The following HNF4G variants were observed in gnomAD, a reference collection of about 807,000 sequenced individuals.
HNF4G encodes hepatocyte nuclear factor 4 gamma, also known as hepatocyte nuclear factor 4-gamma.
HNF4G carries 21 observed loss-of-function variants against 50.9 expected under a neutral mutation model. The observed-to-expected ratio is 0.41, with a 90% CI of 0.29 to 0.59. The LOEUF (loss-of-function observed/expected upper bound fraction) is 0.59, where lower values mean the gene tolerates loss of function less well. Among genes scored for constraint, HNF4G ranks in the 20% least tolerant of loss-of-function variants. HNF4G has a pLI of 0.26. For synonymous variants in HNF4G, 198 were observed against 185.6 expected, an observed-to-expected ratio of 1.07 and a Z score of -0.54; for missense variants, 527 against 559.4, an observed-to-expected ratio of 0.94 and a Z score of 0.58.
intron 2 of HNF4G, among the ~76,000 whole-genome samples, chr8:75,500,256 A>C (rs899972484): frequency 1.3e-5 from 2 of 152,176 alleles, no homozygotes; most frequent in Non-Finnish European, 2.9e-5. Context: ...AACGAACAAT[A>C]AGCACATGAA....
At chr8:75,482,247 G>GA (rs1222051275) in intron 1 of HNF4G, among the ~76,000 whole-genome samples, 3 of 152,044 alleles carry the variant, frequency 2.0e-5, no homozygotes, top group Non-Finnish European at 4.4e-5. Context: ...TAGTTGCCTA[G>GA]AAAAAATTAA....
chr8:75,496,569 C>T (rs1225796734), intron 2 of HNF4G, among the ~76,000 whole-genome samples: 3 of 151,908 alleles, frequency 2.0e-5, no homozygotes, highest in Admixed American at 1.3e-4. Flanking sequence ...GGGATTTACT[C>T]CAAAATCTTG....
chr8:75,556,003 G>A lies in HNF4G; in HGVS notation c.667G>A (p.Ala223Thr), dbSNP rs758363180. Residue 223 changes from alanine (A) to threonine (T), a missense_variant, in exon 6 of 10, where the codon GCA becomes ACA. Physicochemically the swap from Ala to Thr is moderately conservative, Grantham distance 58 (BLOSUM62 0). Around this residue, in one of 5 missense-constraint regions of HNF4G, gnomAD observed 308 missense variants for 301.5 expected, o/e 1.02. Transcript: ENST00000396423. ...TAAGGTGGCACTGTTGAGAGCTCAC[G>A]CAGGGGAGCACTTACTGCTTGGAGC... ...DDQVALLRAH[A>T]GEHLLLGATK... The A allele has an allele frequency of 6.3e-7, 1 of 1,577,160 alleles. No individual in the cohort carries two copies. Among genetic ancestry groups the A allele is most frequent in the Non-Finnish European group, 8.6e-7 (1 of 1,159,846 alleles).
intron 1 of HNF4G, among the ~76,000 whole-genome samples, chr8:75,458,364 T>C (rs864936): frequency 7.1e-6 from 1 of 140,442 alleles, no homozygotes. Flanking sequence ...TGTTTAATGG[T>C]CTAACTTTTT....
At chr8:75,561,163 A>G (rs71529224) in intron 9 of HNF4G, among the ~76,000 whole-genome samples, 11,817 of 152,126 alleles carry the variant, frequency 0.078, 478 homozygotes, top group Middle Eastern at 0.12. Context: ...TGTTTCTGAG[A>G]ATTCATTTAA....
intron 8 of HNF4G, among the ~76,000 whole-genome samples, chr8:75,559,535 G>T (rs1807244359): frequency 6.6e-6 from 1 of 151,950 alleles, no homozygotes; most frequent in Non-Finnish European, 1.5e-5. Flanking sequence ...GCCTCCCAAA[G>T]TGCTGGGAAT....
At chr8:75,558,428 A>G (rs1196330480) in intron 6 of HNF4G, 90 bp from the exon 7 acceptor site, 3 of 1,204,458 alleles carry the variant, frequency 2.5e-6, no homozygotes, top group African/African-American at 3.0e-5. Flanking sequence ...ACTATTTTAA[A>G]CACCGGTTTG....
chr8:75,444,944 A>T (rs1452647173), intron 1 of HNF4G, among the ~76,000 whole-genome samples: 29 of 144,462 alleles, frequency 2.0e-4, no homozygotes, highest in Non-Finnish European at 4.2e-4. Flanking sequence ...AGACATCTAC[A>T]GAACTCTGCA....
rs148866103 is a variant in HNF4G, at chr8:75,503,417, A to G, written c.-24+13209A>G. 4.7e-3 allele frequency among the ~76,000 whole-genome samples: 711 copies of G among 152,326 alleles called. 3 individuals carry two copies. The highest frequency in any genetic ancestry group is 0.016 in the African/African-American group (678 of 41,572). On this transcript the variant is annotated intron_variant, in intron 2 of 10. Transcript: ENST00000354370. ...TATTATTTTTATTACTAATAGTAAG[A>G]GTGATAGTTCAAGAGAGTTGGGTGT...
intron 1 of HNF4G, among the ~76,000 whole-genome samples, chr8:75,433,835 C>T (rs1388643093): frequency 6.6e-6 from 1 of 151,802 alleles, no homozygotes; most frequent in Admixed American, 6.6e-5. Context: ...TATTGACCAG[C>T]CAAAAAACAG....
chr8:75,471,653 T>C (rs956113442), intron 1 of HNF4G, among the ~76,000 whole-genome samples: 5 of 152,168 alleles, frequency 3.3e-5, no homozygotes, highest in African/African-American at 1.2e-4. Context: ...AGGAGGCAGT[T>C]TGGTGTGATG....
intron 1 of HNF4G, among the ~76,000 whole-genome samples, chr8:75,487,687 A>C (rs1297678211): frequency 6.6e-6 from 1 of 152,218 alleles, no homozygotes; most frequent in Non-Finnish European, 1.5e-5. Context: ...AACTAGAATT[A>C]GAATAATTTC....
intron 1 of HNF4G, among the ~76,000 whole-genome samples, chr8:75,434,731 G>A (rs1030633119): frequency 6.6e-6 from 1 of 150,714 alleles, no homozygotes; most frequent in Non-Finnish European, 1.5e-5. Flanking sequence ...AAGAAAAGTG[G>A]GGTATAACTA....
chr8:75,453,516 C>T (rs559597685), intron 1 of HNF4G, among the ~76,000 whole-genome samples: 10 of 143,356 alleles, frequency 7.0e-5, no homozygotes, highest in Admixed American at 4.1e-4. Context: ...CCCCCCGCCC[C>T]GTAGCCAGCA....
chr8:75,416,905 C>A (rs1355630034), intron 1 of HNF4G, among the ~76,000 whole-genome samples: 2 of 152,200 alleles, frequency 1.3e-5, no homozygotes, highest in African/African-American at 2.4e-5. Flanking sequence ...CTTCCTGAAG[C>A]TCTCCCTACC....
At chr8:75,517,255 C>CTA (rs576283234) in intron 2 of HNF4G, among the ~76,000 whole-genome samples, 38 of 152,196 alleles carry the variant, frequency 2.5e-4, no homozygotes, top group Non-Finnish European at 5.0e-4. Context: ...CACAGCCAAA[C>CTA]TATATCATTC....
chr8:75,455,714 A>G (rs908154014), intron 1 of HNF4G, among the ~76,000 whole-genome samples: 1 of 152,208 alleles, frequency 6.6e-6, no homozygotes, highest in Non-Finnish European at 1.5e-5. Context: ...TAAAAAGCTC[A>G]TAGAAGTGAT....
chr8:75,538,314 C>T (rs1372779430), upstream of HNF4G, among the ~76,000 whole-genome samples: 6 of 152,146 alleles, frequency 3.9e-5, no homozygotes, highest in Non-Finnish European at 5.9e-5. Context: ...CTGTCACCCG[C>T]GGGAACAGAC....
At chr8:75,501,966 C>T (rs1431465281) in intron 2 of HNF4G, among the ~76,000 whole-genome samples, 1 of 151,814 alleles carries the variant, frequency 6.6e-6, no homozygotes. Context: ...GATTCTCCTG[C>T]CTTAGACTCC....
Sources: gnomAD v4.1 joint callset for allele counts (sites outside exome capture counted in the v4.1 genomes callset) on GRCh38, gnomAD v4.1.1 for gene constraint, gnomAD v4.1.1 regional missense constraint, MANE v1.5 for transcripts, NCBI Gene and HGNC (gene_info 2026-07-23, HGNC 2026-07-21) for gene names.